The following STRA8 variants were observed in gnomAD, a reference collection of about 807,000 sequenced individuals.
The protein encoded by STRA8 is stimulated by retinoic acid gene 8 protein homolog.
In STRA8, 18 loss-of-function variants were observed where a neutral mutation model predicts 37.1. That is an observed-to-expected ratio of 0.48 (90% CI 0.34 to 0.72). The LOEUF (loss-of-function observed/expected upper bound fraction) is 0.72, where lower values mean the gene tolerates loss of function less well. Among genes scored for constraint, STRA8 ranks in the 30% least tolerant of loss-of-function variants. The probability of loss-of-function intolerance (pLI) is 0.01; values close to 1 mark genes in which losing one functional copy is unlikely to be tolerated. For missense variants in STRA8, 357 were observed against 410.4 expected (o/e 0.87, Z 1.13); for synonymous variants, 168 against 162.9 (o/e 1.03, Z -0.24).
At position 135,246,522 on chromosome 7, in the gene STRA8, G is replaced by T. The variant is rs144509607; in HGVS notation, c.699G>T (p.Leu233=). ...TCGTCTCCGCGGCCATCTCCCACCTGTGGCAGAACCTCTCGGAGGAGAGGA... is the reference window on the plus strand; with the variant it reads ...TCGTCTCCGCGGCCATCTCCCACCTTTGGCAGAACCTCTCGGAGGAGAGGA... ...LPIVSAAISH[L]WQNLSEERKA... Residue 233 remains leucine (L), a synonymous_variant, in exon 6 of 9, where the codon CTG becomes CTT. Transcript: ENST00000662584. The surrounding 1 kb of genome is among the most constrained non-coding windows in gnomAD (Gnocchi z 5.4). 1.7e-4 allele frequency: 270 copies of T among 1,576,456 alleles called. No homozygotes were observed. The African/African-American group carries it at 3.1e-3, about 18-fold the overall frequency.
At chr7:135,249,580 G>C (rs1832610605) in intron 6 of STRA8, among the ~76,000 whole-genome samples, 1 of 152,150 alleles carries the variant, frequency 6.6e-6, no homozygotes, top group Non-Finnish European at 1.5e-5. Context: ...GTAAAACTCT[G>C]TCTCAAAAAA....
Position 135,243,353 on chromosome 7 carries a change from C to A in STRA8, c.296C>A (p.Ala99Glu). The change falls in exon 4 of 9, where the codon GCA becomes GAA. Residue 99 changes from alanine (A) to glutamate (E), a missense_variant. Coordinates refer to ENST00000662584, the MANE Select transcript of STRA8 (RefSeq NM_001394401.1). ...KASFNLEDGHASSLEEVKKEY... is the reference protein window; with the variant it reads ...KASFNLEDGHESSLEEVKKEY... ...TCCTTCAACCTGGAAGATGGGCATG[C>A]AAGCAGCTTAGAGGAGGTCAAGAAA... 1 of 1,614,172 alleles carries A rather than the reference C, an allele frequency of 6.2e-7. No individual in the cohort carries two copies. Among genetic ancestry groups the A allele is most frequent in the East Asian group, 2.2e-5 (1 of 44,884 alleles).
chr7:135,255,191 A>G lies in STRA8; in HGVS notation c.1031A>G (p.Lys344Arg), dbSNP rs1383531612. ...QLYMQIINFF[K>R]GLSCANTQVK... ...TATATGCAGATCATCAACTTTTTTA[A>G]AGGCCTTAGCTGTGCAAACACTCAA... The change falls in exon 8 of 9, where the codon AAA becomes AGA. Residue 344 changes from lysine to arginine, a missense_variant. By Grantham distance (26) the Lys-to-Arg change is conservative. Transcript: ENST00000662584. The G allele has an allele frequency of 2.5e-6, 4 of 1,613,970 alleles. No homozygotes were observed. The highest frequency in any genetic ancestry group is 1.6e-4 in the Middle Eastern group (1 of 6,062).
chr7:135,237,195 G>T (rs180954119), intron 1 of STRA8, among the ~76,000 whole-genome samples: 149 of 152,290 alleles, frequency 9.8e-4, no homozygotes, highest in African/African-American at 3.2e-3. Flanking sequence ...AACCAAAGGG[G>T]TAATTGGGAG....
At chr7:135,250,684 A>G (rs887401928) in intron 6 of STRA8, among the ~76,000 whole-genome samples, 38 of 152,258 alleles carry the variant, frequency 2.5e-4, no homozygotes, top group African/African-American at 9.2e-4. Context: ...CTCCTCTCCT[A>G]GGCGTGATTG....
chr7:135,253,569 C>T (rs1470620110), intron 7 of STRA8, among the ~76,000 whole-genome samples: 7 of 151,820 alleles, frequency 4.6e-5, no homozygotes, highest in East Asian at 1.9e-4. Context: ...CTGATGGGAA[C>T]GGATATGGAA....
intron 2 of STRA8, 84 bp from the exon 3 acceptor site, chr7:135,242,697 G>C: frequency 7.4e-7 from 1 of 1,342,988 alleles, no homozygotes; most frequent in Non-Finnish European, 1.1e-6. Flanking sequence ...CGTGGCCTCA[G>C]CCCTGGGAAG....
At chr7:135,255,262 C>A in intron 8 of STRA8, 37 bp downstream of exon 8, 3 of 1,533,278 alleles carry the variant, frequency 2.0e-6, no homozygotes, top group Non-Finnish European at 2.7e-6. Flanking sequence ...CCTCTGCCCA[C>A]CTTGCTTAGA....
chr7:135,254,710 C>T (rs1226326642), intron 7 of STRA8, among the ~76,000 whole-genome samples: 1 of 152,202 alleles, frequency 6.6e-6, no homozygotes, highest in Non-Finnish European at 1.5e-5. Context: ...GCTTGAGTTC[C>T]ACGTTAGACC....
Position 135,258,483 on chromosome 7 carries a change from A to G in STRA8, c.1131A>G (p.Glu377=), listed in dbSNP as rs1250610233. The part of the protein sequence containing the change: ...MLQCTETFDD[E]DL ...AGTGCACAGAGACCTTTGACGATGA[A>G]GATTTGTAATGCAGAAGAGGAGCTG... Residue 377 remains glutamate (E), a synonymous_variant, in exon 9 of 9, where the codon GAA becomes GAG. Coordinates refer to ENST00000662584, the MANE Select transcript of STRA8 (RefSeq NM_001394401.1). 1 of 1,599,810 alleles carries G rather than the reference A, an allele frequency of 6.3e-7. No individual in the cohort carries two copies. Among genetic ancestry groups the G allele is most frequent in the Non-Finnish European group, 8.5e-7 (1 of 1,172,602 alleles).
intron 6 of STRA8, among the ~76,000 whole-genome samples, chr7:135,251,531 G>A (rs767757310): frequency 6.6e-5 from 10 of 152,186 alleles, no homozygotes; most frequent in Non-Finnish European, 1.5e-4. Context: ...TCGTCGGCAA[G>A]AGGAATCACA....
Position 135,246,593 on chromosome 7 carries a change from C to G in STRA8, c.770C>G (p.Ala257Gly). 1 of 1,539,994 alleles carries G rather than the reference C, an allele frequency of 6.5e-7. No individual in the cohort carries two copies. Among genetic ancestry groups the G allele is most frequent in the Non-Finnish European group, 8.7e-7 (1 of 1,146,322 alleles). The stretch of plus-strand genomic sequence containing the variant: ...TGGGCGCAGAAGCACCGCGGCCCTG[C>G]GACCCTGGCGGAGGCCTGCCGAGAG... ...QAWAQKHRGP[A>G]TLAEACREPA... Residue 257 changes from alanine to glycine, a missense_variant, in exon 6 of 9, where the codon GCG becomes GGG. Coordinates refer to ENST00000662584, the MANE Select transcript of STRA8 (RefSeq NM_001394401.1). This position sits in a 1 kb window ranked among gnomAD's most constrained non-coding sequence, Gnocchi z 5.4.
intron 6 of STRA8, among the ~76,000 whole-genome samples, chr7:135,251,461 GT>G (rs1286969781): frequency 6.6e-6 from 1 of 152,150 alleles, no homozygotes; most frequent in East Asian, 1.9e-4. Context: ...TTTTGATGAG[GT>G]TTTTCTCAGT....
intron 1 of STRA8, among the ~76,000 whole-genome samples, chr7:135,236,278 ATGTGTGTG>A (rs57585247): frequency 7.2e-6 from 1 of 137,938 alleles, no homozygotes; most frequent in African/African-American, 2.6e-5. Context: ...GTGTGTGTGT[ATGTGTGTG>A]TGTGTGTGTG....
At chr7:135,234,043 T>C (rs1832331146) in intron 1 of STRA8, among the ~76,000 whole-genome samples, 140 bp downstream of exon 1, 1 of 152,038 alleles carries the variant, frequency 6.6e-6, no homozygotes, top group Non-Finnish European at 1.5e-5. Context: ...TTTGTATCCG[T>C]CACTGTGGCT....
intron 1 of STRA8, among the ~76,000 whole-genome samples, chr7:135,239,663 G>C (rs937973258): frequency 6.6e-6 from 1 of 152,146 alleles, no homozygotes; most frequent in African/African-American, 2.4e-5. Context: ...TCAGGTAAAA[G>C]GCCCTGGCCC....
Position 135,246,751 on chromosome 7 carries a change from C to T in STRA8, c.879+49C>T, listed in dbSNP as rs1832563888. On this transcript the variant is annotated intron_variant, in intron 6 of 8. Transcript: ENST00000662584. The surrounding 1 kb of genome is among the most constrained non-coding windows in gnomAD (Gnocchi z 5.4). ...GTGGATGGGGCACGGGAACCACCCT[C>T]GCCCTCGCCTGGGGACACCAGGGCT... is the stretch of plus-strand genomic sequence containing the variant. 3.4e-6 allele frequency: 5 copies of T among 1,471,466 alleles called. No homozygotes were observed. The highest frequency in any genetic ancestry group is 1.4e-5 in the African/African-American group (1 of 69,996). 91.2% of individuals were successfully genotyped at this position (1,471,466 alleles called of 1,614,324 possible). A position where few individuals can be genotyped will look rare whatever the true frequency, so the allele number is the denominator to read the frequency against.
At chr7:135,236,563 A>T (rs1244795668) in intron 1 of STRA8, among the ~76,000 whole-genome samples, 3 of 152,132 alleles carry the variant, frequency 2.0e-5, no homozygotes, top group Non-Finnish European at 4.4e-5. Context: ...AAGCATGCCC[A>T]GTTTTCCAAG....
chr7:135,251,973 A>AAGCCAG, intron 7 of STRA8, 104 bp downstream of exon 7: 1 of 840,078 alleles, frequency 1.2e-6, no homozygotes, highest in East Asian at 3.0e-5. Flanking sequence ...TGAATGTGGT[A>AAGCCAG]AGTCAGAGAC....
Sources: allele counts gnomAD v4.1 joint callset (sites outside exome capture counted in the v4.1 genomes callset), GRCh38; gene constraint gnomAD v4.1.1; non-coding constraint Gnocchi (gnomAD v3.1); transcripts MANE v1.5; gene names NCBI Gene and HGNC (gene_info 2026-07-23, HGNC 2026-07-21).